Variants in USP32 observed in about 807,000 individuals in gnomAD.
The protein encoded by USP32 is ubiquitin carboxyl-terminal hydrolase 32.
Under a neutral mutation model 204.8 loss-of-function variants are expected in USP32, and 59 were observed. The observed-to-expected ratio is 0.29, with a 90% CI of 0.23 to 0.36. The LOEUF is 0.36. Among genes scored for constraint, USP32 ranks in the 10% least tolerant of loss-of-function variants. The probability of loss-of-function intolerance (pLI) is 1.00; values close to 1 mark genes in which losing one functional copy is unlikely to be tolerated. For missense variants in USP32, 1,160 were observed against 1,946.4 expected, an observed-to-expected ratio of 0.60 and a Z score of 7.60; for synonymous variants, 517 against 678.4, an observed-to-expected ratio of 0.76 and a Z score of 3.70.
chr17:60,252,053 T>A (rs1360675790), intron 11 of USP32, among the ~76,000 whole-genome samples: 2 of 152,094 alleles, frequency 1.3e-5, no homozygotes, highest in African/African-American at 4.8e-5. Context: ...AAAATCTTTC[T>A]CTGCTTCTTT....
intron 12 of USP32, among the ~76,000 whole-genome samples, chr17:60,234,522 T>C (rs1437798505): frequency 2.0e-5 from 3 of 151,022 alleles, no homozygotes. Context: ...GGTCAGGAGA[T>C]TGAGACCATC....
At chr17:60,401,707 C>A (rs576416579) in intron 1 of USP32, among the ~76,000 whole-genome samples, 1 of 150,732 alleles carries the variant, frequency 6.6e-6, no homozygotes, top group Middle Eastern at 3.4e-3. Context: ...ATGGTGAAAC[C>A]CCATCTCTAT....
At chr17:60,247,888 G>A (rs546641355) in intron 11 of USP32, among the ~76,000 whole-genome samples, 31 of 152,170 alleles carry the variant, frequency 2.0e-4, no homozygotes, top group East Asian at 9.7e-4. Flanking sequence ...GTTTCACCGC[G>A]TTAGCCAGTA....
chr17:60,243,406 C>A lies in USP32; in HGVS notation c.1137-7166G>T, dbSNP rs184653011. Among the ~76,000 whole-genome samples, 212 of 152,174 alleles carry A rather than the reference C, an allele frequency of 1.4e-3. 1 individual carries two copies. Among genetic ancestry groups the A allele is most frequent in the African/African-American group, 4.8e-3 (199 of 41,492 alleles). On this transcript the variant is annotated intron_variant, in intron 11 of 33. Transcript: ENST00000300896. The stretch of plus-strand genomic sequence containing the variant: ...AGCTCTAATACAATGTTGATAAGTG[C>A]GGCAAAAGCAAGTATCCTTTCCTGA...
chr17:60,230,989 A>G (rs1251893212), intron 12 of USP32, among the ~76,000 whole-genome samples: 2 of 152,226 alleles, frequency 1.3e-5, no homozygotes, highest in East Asian at 1.9e-4. Flanking sequence ...ACTATTCAAA[A>G]TTATCCTAGA....
rs1244795931 is a variant in USP32, at chr17:60,235,996, C to T, written c.1239+142G>A. On this transcript the variant is annotated intron_variant, in intron 12 of 33. Coordinates refer to ENST00000300896, the MANE Select transcript of USP32 (RefSeq NM_032582.4). ...GACCATAGCAAGTATCATATAAACA[C>T]TCATTTCCTTTCCCTTCGAATCTTT... The T allele has an allele frequency of 4.5e-6, 3 of 669,704 alleles. No individual in the cohort carries two copies. In the African/African-American group the frequency reaches 5.4e-5, roughly 12 times the overall value. 41.5% of individuals were successfully genotyped at this position (669,704 alleles called of 1,614,324 possible).
At chr17:60,248,921 A>G (rs1567801493) in intron 11 of USP32, 1 of 152,122 alleles carries the variant, frequency 6.6e-6, no homozygotes, top group Non-Finnish European at 1.5e-5. Flanking sequence ...CACATTTGAT[A>G]CTTTATATTA....
intron 2 of USP32, among the ~76,000 whole-genome samples, chr17:60,341,238 C>G (rs1031439929): frequency 7.2e-5 from 11 of 152,138 alleles, no homozygotes; most frequent in African/African-American, 2.7e-4. Context: ...GGGAAGTTCT[C>G]CTGGATAATA....
chr17:60,374,207 A>T (rs1488224547), intron 1 of USP32, among the ~76,000 whole-genome samples: 1 of 151,856 alleles, frequency 6.6e-6, no homozygotes, highest in Non-Finnish European at 1.5e-5. Flanking sequence ...AAAAAGACAT[A>T]AACACACACC....
rs1042587135 is a variant in USP32 at position 60,225,926 on chromosome 17, C to T, written c.1432+113G>A. The T allele has an allele frequency of 1.3e-5, 16 of 1,213,042 alleles. No homozygotes were observed. The Admixed American group carries it at 3.2e-4, about 24-fold the overall frequency. The allele number at this position is 1,213,042 out of a possible 1,614,324, so 75.1% of individuals were successfully genotyped here. On this transcript the variant is annotated intron_variant, in intron 13 of 33. Transcript: ENST00000300896. ...CAGAGATCGCGCCACTGCGCTCCAG[C>T]CTGGGCAAAATGTGAAACTCAGTCT...
At chr17:60,322,843 T>C (rs2088145654) in intron 2 of USP32, among the ~76,000 whole-genome samples, 1 of 152,190 alleles carries the variant, frequency 6.6e-6, no homozygotes, top group Non-Finnish European at 1.5e-5. Flanking sequence ...CATATACATA[T>C]ACACCACATG....
At chr17:60,284,268 T>C (rs6503955) in intron 5 of USP32, among the ~76,000 whole-genome samples, 32,856 of 149,764 alleles carry the variant, frequency 0.22, 9,093 homozygotes, top group African/African-American at 0.65. Flanking sequence ...GGCTGGAGTG[T>C]AGTGGCATGA....
In USP32 at chr17:60,181,355, A is replaced by G; in HGVS notation, c.4517T>C (p.Ile1506Thr). The change falls in exon 32 of 34, where the codon ATT becomes ACT. Residue 1506 changes from isoleucine (I) to threonine (T), a missense_variant. Around this residue, in one of 8 missense-constraint regions of USP32, gnomAD observed 244 missense variants for 342.3 expected, o/e 0.71. Coordinates refer to ENST00000300896, the MANE Select transcript of USP32 (RefSeq NM_032582.4). ...TGCATATAGATTATAAATAGGCTTA[A>G]TACGAGTATCTTCTCTTTGGTCATC... ...STDDQREDTRIKPIYNLYAIS... is the reference protein window; with the variant it reads ...STDDQREDTRTKPIYNLYAIS... The G allele has an allele frequency of 1.9e-6, 3 of 1,613,392 alleles. No homozygotes were observed. In the South Asian group the frequency reaches 3.3e-5, roughly 18 times the overall value.
chr17:60,245,732 CCGT>C (rs2086003045), intron 11 of USP32: 7 of 155,606 alleles, frequency 4.5e-5, no homozygotes, highest in Non-Finnish European at 7.1e-5. Context: ...ATGTTAATAA[CCGT>C]CTGGTGTCAC....
upstream of USP32, among the ~76,000 whole-genome samples, chr17:60,396,633 TAA>T (rs370032347): frequency 4.4e-4 from 67 of 152,276 alleles, no homozygotes; most frequent in East Asian, 5.0e-3. Flanking sequence ...GAGTTTGAGA[TAA>T]AGAGTGCCTA....
intron 1 of USP32, among the ~76,000 whole-genome samples, chr17:60,349,625 TATA>T: frequency 1.9e-5 from 1 of 52,692 alleles, no homozygotes; most frequent in African/African-American, 2.3e-4. Context: ...ATATATATAT[TATA>T]TATATATATA....
chr17:60,323,090 G>C (rs2088151325), intron 2 of USP32, among the ~76,000 whole-genome samples: 1 of 152,164 alleles, frequency 6.6e-6, no homozygotes, highest in African/African-American at 2.4e-5. Context: ...TAGTCTGGCA[G>C]TTCCTCAAAA....
intron 13 of USP32, among the ~76,000 whole-genome samples, chr17:60,224,558 G>A (rs758292748): frequency 4.6e-5 from 7 of 152,210 alleles, no homozygotes; most frequent in Non-Finnish European, 7.3e-5. Flanking sequence ...GCCAAGGCTG[G>A]AGGACTGCTT....
At chr17:60,325,081 A>G (rs2088201488) in intron 2 of USP32, among the ~76,000 whole-genome samples, 1 of 152,176 alleles carries the variant, frequency 6.6e-6, no homozygotes, top group South Asian at 2.1e-4. Context: ...AGGAAAAAAT[A>G]AGGCAATTTT....
Sources: gnomAD v4.1 joint callset for allele counts (sites outside exome capture counted in the v4.1 genomes callset) on GRCh38, gnomAD v4.1.1 for gene constraint, gnomAD v4.1.1 regional missense constraint, MANE v1.5 for transcripts, NCBI Gene and HGNC (gene_info 2026-07-23, HGNC 2026-07-21) for gene names.